Variants in HDAC4 observed in about 807,000 individuals in gnomAD.
The protein encoded by HDAC4 is histone deacetylase 4, also known as histone deacetylase A.
HDAC4 carries 16 observed loss-of-function variants against 135.1 expected under a neutral mutation model. That is an observed-to-expected ratio of 0.12 (90% CI 0.08 to 0.18). HDAC4 has a LOEUF of 0.18. Among genes scored for constraint, HDAC4 ranks in the 10% least tolerant of loss-of-function variants. HDAC4 has a pLI of 1.00. For missense variants in HDAC4, 1,143 were observed against 1,511.8 expected, an observed-to-expected ratio of 0.76 and a Z score of 4.05; for synonymous variants, 685 against 653.4, an observed-to-expected ratio of 1.05 and a Z score of -0.74.
At chr2:239,220,207 CTCTT>C (rs951323604) in intron 3 of HDAC4, among the ~76,000 whole-genome samples, 3 of 152,188 alleles carry the variant, frequency 2.0e-5, no homozygotes, top group African/African-American at 7.2e-5. Flanking sequence ...AAAAATGAGT[CTCTT>C]TCTCTTAAAC....
intron 20 of HDAC4, among the ~76,000 whole-genome samples, chr2:239,082,710 T>A (rs1042403138): frequency 1.3e-5 from 2 of 152,196 alleles, no homozygotes; most frequent in African/African-American, 4.8e-5. Context: ...AGGAGACAAG[T>A]CCCAGGTGTC....
intron 24 of HDAC4, among the ~76,000 whole-genome samples, chr2:239,061,118 C>T (rs989637232): frequency 5.3e-5 from 8 of 151,338 alleles, no homozygotes; most frequent in African/African-American, 1.2e-4. Flanking sequence ...ACCGTTGGCA[C>T]GGGGGGAGTG....
chr2:239,135,299 G>T (rs1423048170), intron 9 of HDAC4, among the ~76,000 whole-genome samples: 2 of 152,158 alleles, frequency 1.3e-5, no homozygotes, highest in African/African-American at 4.8e-5. Context: ...TACGAAAGGT[G>T]GGCAATGATG....
At chr2:239,106,158 G>A (rs2038110341) in intron 15 of HDAC4, among the ~76,000 whole-genome samples, 1 of 152,228 alleles carries the variant, frequency 6.6e-6, no homozygotes, top group Admixed American at 6.5e-5. Flanking sequence ...CCATGGTGCT[G>A]AGGACAGGCA....
intron 2 of HDAC4, among the ~76,000 whole-genome samples, chr2:239,328,982 A>G (rs988075973): frequency 3.3e-5 from 5 of 152,262 alleles, no homozygotes; most frequent in African/African-American, 1.2e-4. Flanking sequence ...GCTGCTGCGA[A>G]CCTGCCTGAA....
intron 20 of HDAC4, 135 bp downstream of exon 20, chr2:239,084,020 G>A (rs191792884): frequency 8.3e-4 from 596 of 716,596 alleles, no homozygotes; most frequent in Non-Finnish European, 1.4e-3. Flanking sequence ...TTACTTCTCC[G>A]CATCTTTGAG....
At chr2:239,290,073 A>G (rs1010339937) in intron 2 of HDAC4, among the ~76,000 whole-genome samples, 1 of 152,274 alleles carries the variant, frequency 6.6e-6, no homozygotes, top group African/African-American at 2.4e-5. Flanking sequence ...ATCAAGAGTT[A>G]ATATAAATGT....
intron 1 of HDAC4, among the ~76,000 whole-genome samples, chr2:239,365,296 A>C (rs1168042813): frequency 6.6e-6 from 1 of 152,242 alleles, no homozygotes; most frequent in Admixed American, 6.5e-5. Flanking sequence ...GGACAGATTT[A>C]TACTTTAGTT....
chr2:239,268,710 G>T (rs925492518), intron 2 of HDAC4, among the ~76,000 whole-genome samples: 1 of 152,302 alleles, frequency 6.6e-6, no homozygotes, highest in South Asian at 2.1e-4. Context: ...CAGAGAAAAG[G>T]GAACAGGACT....
In HDAC4 at chr2:239,197,917, G is replaced by C. The variant is rs12622036; in HGVS notation, c.95-7840C>G. Among the ~76,000 whole-genome samples the C allele has an allele frequency of 1.3e-4, 19 of 150,408 alleles. No individual in the cohort carries two copies. In the East Asian group the frequency reaches 3.6e-3, roughly 28 times the overall value. On this transcript the variant is annotated intron_variant, in intron 3 of 26. Coordinates refer to ENST00000543185, the MANE Select transcript of HDAC4 (RefSeq NM_001378414.1). The stretch of plus-strand genomic sequence containing the variant: ...CACCCAGGCTGGACTGCAGTGGTGC[G>C]ATCTTGGCTCAATACAACCTCCACC...
intron 15 of HDAC4, among the ~76,000 whole-genome samples, chr2:239,106,226 C>T (rs1415666594): frequency 6.6e-6 from 1 of 152,164 alleles, no homozygotes; most frequent in Non-Finnish European, 1.5e-5. Context: ...GCTGTTTCTT[C>T]CAGGGTCTTT....
chr2:239,262,898 C>T lies in HDAC4; in HGVS notation c.23-26234G>A, dbSNP rs1340777661. Among the ~76,000 whole-genome samples, 1 of 152,044 alleles carries T rather than the reference C, an allele frequency of 6.6e-6. No individual in the cohort carries two copies. The highest frequency in any genetic ancestry group is 2.4e-5 in the African/African-American group (1 of 41,390). On this transcript the variant is annotated intron_variant, in intron 2 of 26. Coordinates refer to ENST00000543185, the MANE Select transcript of HDAC4 (RefSeq NM_001378414.1). This position sits in a 1 kb window ranked among gnomAD's most constrained non-coding sequence, Gnocchi z 4.1. ...GAGGCTCTAAGGAGTGGATCCCTCA[C>T]TGGAAGGTCACGGCACCACTGAGAC...
intron 19 of HDAC4, among the ~76,000 whole-genome samples, chr2:239,085,031 G>GAC (rs200958300): frequency 1.4e-5 from 2 of 138,602 alleles, no homozygotes; most frequent in Admixed American, 7.2e-5. Context: ...GTTCCATACT[G>GAC]AGACAGACAG....
intron 3 of HDAC4, among the ~76,000 whole-genome samples, chr2:239,210,507 T>G (rs1347188094): frequency 1.3e-5 from 2 of 151,852 alleles, no homozygotes; most frequent in Non-Finnish European, 2.9e-5. Flanking sequence ...TTTTGGGGAG[T>G]GGTGAATGGC....
At chr2:239,116,055 C>T (rs1023760224) in intron 12 of HDAC4, among the ~76,000 whole-genome samples, 30 of 152,290 alleles carry the variant, frequency 2.0e-4, no homozygotes, top group African/African-American at 7.0e-4. Context: ...TTGGATCTCA[C>T]GGACGCTTCT....
intron 18 of HDAC4, among the ~76,000 whole-genome samples, chr2:239,089,227 T>C (rs1382143867): frequency 6.6e-6 from 1 of 152,240 alleles, no homozygotes; most frequent in Non-Finnish European, 1.5e-5. Context: ...GATTCCTTCA[T>C]GTACTTCAAC....
chr2:239,387,996 C>T (rs1274186524), intron 1 of HDAC4, among the ~76,000 whole-genome samples: 2 of 152,144 alleles, frequency 1.3e-5, no homozygotes, highest in Non-Finnish European at 2.9e-5. Flanking sequence ...CGGGTATCCA[C>T]GCCACAGGTG....
At chr2:239,089,794 G>T in intron 18 of HDAC4, 10 of 498,698 alleles carry the variant, frequency 2.0e-5, no homozygotes, top group South Asian at 4.6e-5. Context: ...CCAAATCATT[G>T]AGAATCTCTG....
Position 239,115,959 on chromosome 2 carries a change from C to T in HDAC4, c.1534-649G>A, listed in dbSNP as rs562094107. Among the ~76,000 whole-genome samples, 51 of 152,290 alleles carry T rather than the reference C, an allele frequency of 3.3e-4. No individual in the cohort carries two copies. The highest frequency in any genetic ancestry group is 1.2e-3 in the African/African-American group (48 of 41,546). On this transcript the variant is annotated intron_variant, in intron 12 of 26. Coordinates refer to ENST00000543185, the MANE Select transcript of HDAC4 (RefSeq NM_001378414.1). The surrounding 1 kb of genome is among the most constrained non-coding windows in gnomAD (Gnocchi z 6.3). Reference sequence around the variant, plus strand: ...TTCTTGCAGGATTCCATGGGTGCTCCATGACCTGCCCCGCTATGGGGCCCC... The same window carrying T: ...TTCTTGCAGGATTCCATGGGTGCTCTATGACCTGCCCCGCTATGGGGCCCC...
Sources: gnomAD v4.1 joint callset for allele counts (sites outside exome capture counted in the v4.1 genomes callset) on GRCh38, gnomAD v4.1.1 for gene constraint, Gnocchi (gnomAD v3.1) non-coding constraint, MANE v1.5 for transcripts, NCBI Gene and HGNC (gene_info 2026-07-23, HGNC 2026-07-21) for gene names.